The following SSX5 variants were observed in gnomAD, a reference collection of about 807,000 sequenced individuals.
SSX5 encodes protein SSX5.
A neutral mutation model predicts 14.9 loss-of-function variants in SSX5; 14 were observed. The observed-to-expected ratio is 0.94, with a 90% CI of 0.62 to 1.47. The LOEUF (loss-of-function observed/expected upper bound fraction) is 1.47, where lower values mean the gene tolerates loss of function less well. Among genes scored for constraint, SSX5 ranks in the 40% most tolerant of loss-of-function variants. The probability of loss-of-function intolerance (pLI) is 0.00; values close to 1 mark genes in which losing one functional copy is unlikely to be tolerated. For synonymous variants in SSX5, 70 were observed against 55.4 expected (o/e 1.26, Z -1.17); for missense variants, 204 against 154.6 (o/e 1.32, Z -1.70).
intron 5 of SSX5, 72 bp from the exon 6 acceptor site, chrX:48,190,340 T>G (rs1238861226): frequency 2.8e-6 from 3 of 1,081,973 alleles, no homozygotes; most frequent in African/African-American, 1.9e-5. Context: ...TTACAAAGAA[T>G]CTTCACATGC....
At position 48,186,871 on chromosome X, in the gene SSX5, G is replaced by A. The variant is rs1556923858; in HGVS notation, c.*5-15C>T. 6 of 1,196,031 alleles carry A rather than the reference G, an allele frequency of 5.0e-6. No individual in the cohort carries two copies. Among genetic ancestry groups the A allele is most frequent in the Non-Finnish European group, 6.7e-6 (6 of 894,817 alleles). On this transcript the variant is annotated splice_polypyrimidine_tract_variant and intron_variant, in intron 7 of 7. Coordinates refer to ENST00000347757, the MANE Select transcript of SSX5 (RefSeq NM_175723.2). The stretch of plus-strand genomic sequence containing the variant: ...TATCCCCGAGGCTGAGGCAAGAAGC[G>A]AGAAGGAAAGTAAGTGGCAGTGAGT...
rs782320071 is a variant in SSX5, at chrX:48,187,652, G to A, written c.546C>T (p.Asp182=). The part of the protein sequence containing the change: ...KQLVIYEEIS[D]PQEDDE ...GGAGTTACTCGTCATCTTCCTGAGGGTCGCTGATCTCTTCATAAATCACCA... is the reference window on the plus strand; with the variant it reads ...GGAGTTACTCGTCATCTTCCTGAGGATCGCTGATCTCTTCATAAATCACCA... Residue 182 remains aspartate (D), a synonymous_variant, in exon 7 of 8, where the codon GAC becomes GAT. Coordinates refer to ENST00000347757, the MANE Select transcript of SSX5 (RefSeq NM_175723.2). 8.3e-7 allele frequency: 1 copy of A among 1,209,577 alleles called. No homozygotes were observed. Among genetic ancestry groups the A allele is most frequent in the Non-Finnish European group, 1.1e-6 (1 of 895,127 alleles).
intron 5 of SSX5, among the ~76,000 whole-genome samples, chrX:48,191,219 TTC>T (rs2059418794): frequency 9.0e-6 from 1 of 111,583 alleles, no homozygotes; most frequent in African/African-American, 3.3e-5. Context: ...CTACTTTTTA[TTC>T]AGCTTCCTCA....
intron 1 of SSX5, among the ~76,000 whole-genome samples, 185 bp downstream of exon 1, chrX:48,196,546 A>C (rs1450160415): frequency 1.8e-5 from 2 of 109,953 alleles, no homozygotes; most frequent in African/African-American, 6.6e-5. Flanking sequence ...GCCCCGCCCA[A>C]ATTTCTTAAG....
intron 4 of SSX5, among the ~76,000 whole-genome samples, chrX:48,193,621 C>T (rs1193891709): frequency 8.1e-5 from 9 of 110,588 alleles, no homozygotes; most frequent in Non-Finnish European, 1.7e-4. Context: ...TTTGGGTGGG[C>T]GCCTGTAACC....
chrX:48,194,312 G>A (rs2059431724), intron 3 of SSX5, 88 bp from the exon 4 acceptor site: 9 of 1,005,570 alleles, frequency 9.0e-6, no homozygotes, highest in Non-Finnish European at 1.3e-5. Context: ...TCTTTGGGAG[G>A]CTGAAGCTGG....
intron 6 of SSX5, among the ~76,000 whole-genome samples, chrX:48,188,509 A>G (rs2059407498): frequency 8.9e-6 from 1 of 112,301 alleles, no homozygotes; most frequent in Non-Finnish European, 1.9e-5. Context: ...AAGTTGACAA[A>G]CTTAATCGAC....
intron 1 of SSX5, among the ~76,000 whole-genome samples, chrX:48,196,186 A>C (rs1447124530): frequency 9.0e-6 from 1 of 111,159 alleles, no homozygotes; most frequent in Non-Finnish European, 1.9e-5. Flanking sequence ...GCACTTTGGG[A>C]GGCCAAGGTG....
chrX:48,188,874 C>T (rs781969681), intron 6 of SSX5, among the ~76,000 whole-genome samples: 1 of 112,140 alleles, frequency 8.9e-6, no homozygotes, highest in Non-Finnish European at 1.9e-5. Flanking sequence ...TACTAATACT[C>T]CAGTGAACAC....
intron 1 of SSX5, among the ~76,000 whole-genome samples, chrX:48,196,057 G>A (rs528985088): frequency 3.6e-5 from 4 of 111,110 alleles, no homozygotes; most frequent in African/African-American, 1.3e-4. Flanking sequence ...AGGCCAAGGC[G>A]TGCAGATCGC....
intron 4 of SSX5, among the ~76,000 whole-genome samples, chrX:48,193,425 A>G (rs782325623): frequency 2.7e-5 from 3 of 111,319 alleles, no homozygotes; most frequent in East Asian, 5.6e-4. Context: ...GCTATTTTAG[A>G]TCTGATTTAT....
At chrX:48,192,107 G>T in intron 5 of SSX5, 125 bp downstream of exon 5, 3 of 1,069,093 alleles carry the variant, frequency 2.8e-6, no homozygotes, top group Admixed American at 2.2e-5. Context: ...GCTACATCAG[G>T]TGTTGTGATA....
In SSX5 at chrX:48,195,299, C is replaced by G. The variant is rs149723790; in HGVS notation, c.60G>C (p.Lys20Asn). 1 of 1,211,613 alleles carries G rather than the reference C, an allele frequency of 8.3e-7. No individual in the cohort carries two copies. Among genetic ancestry groups the G allele is most frequent in the Non-Finnish European group, 1.1e-6 (1 of 895,419 alleles). ...CTGCAGGTCACCTCACCTTTTGCAT[C>G]TTCTCTGGTATTTGAGAACCAACCC... ...RPRVGSQIPE[K>N]MQKAFDDIAK... Residue 20 changes from lysine (K) to asparagine (N), a missense_variant, in exon 2 of 8, where the codon AAG (lysine) becomes AAC (asparagine). Coordinates refer to ENST00000347757, the MANE Select transcript of SSX5 (RefSeq NM_175723.2).
rs1368926035 is a variant in SSX5 at position 48,186,401 on chromosome X, TGTGC to T, written c.*456_*459del. 5.9e-4 allele frequency: 113 copies of T among 192,496 alleles called. 3 individuals are homozygous for T. The highest frequency in any genetic ancestry group is 2.8e-3 in the Admixed American group (29 of 10,202). 15.9% of individuals were successfully genotyped at this position (192,496 alleles called of 1,213,427 possible). A position where few individuals can be genotyped will look rare whatever the true frequency, so the allele number is the denominator to read the frequency against. On this transcript the variant is annotated 3_prime_UTR_variant, in exon 8 of 8. Transcript: ENST00000347757. ...GTGTGTGTGTGTGTGTGTGTGTGTG[TGTGC>T]GCGCGCGCGCGCATGTGTGTCTGTG...
At chrX:48,192,179 C>T in intron 5 of SSX5, 53 bp downstream of exon 5, 4 of 1,207,309 alleles carry the variant, frequency 3.3e-6, no homozygotes, top group Admixed American at 4.3e-5. Context: ...ACAGGGTTCA[C>T]ATTCGTGAAG....
chrX:48,192,079 T>C (rs2146571065), intron 5 of SSX5, among the ~76,000 whole-genome samples, 153 bp downstream of exon 5: 1 of 112,459 alleles, frequency 8.9e-6, no homozygotes, highest in African/African-American at 3.2e-5. Flanking sequence ...CAACTGTTAG[T>C]ATTAGCAAGC....
In SSX5 at chrX:48,186,412, G is replaced by A. The variant is rs782681390; in HGVS notation, c.*449C>T. The A allele has an allele frequency of 7.0e-4, 187 of 267,153 alleles. 3 individuals carry two copies. The highest frequency in any genetic ancestry group is 5.8e-3 in the East Asian group (76 of 13,072). 22.0% of individuals were successfully genotyped at this position (267,153 alleles called of 1,213,427 possible). On this transcript the variant is annotated 3_prime_UTR_variant, in exon 8 of 8. Transcript: ENST00000347757. ...TGTGTGTGTGTGTGTGTGCGCGCGCGCGCGCATGTGTGTCTGTGTGGCATG... is the reference window on the plus strand; with the variant it reads ...TGTGTGTGTGTGTGTGTGCGCGCGCACGCGCATGTGTGTCTGTGTGGCATG...
chrX:48,189,664 GA>G (rs1160595099), intron 6 of SSX5, among the ~76,000 whole-genome samples: 1 of 111,986 alleles, frequency 8.9e-6, no homozygotes, highest in Non-Finnish European at 1.9e-5. Flanking sequence ...GCCAAACCAA[GA>G]AAAAAATGTG....
Position 48,186,868 on chromosome X carries a change from A to C in SSX5, c.*5-12T>G, listed in dbSNP as rs1556923854. On this transcript the variant is annotated splice_polypyrimidine_tract_variant and intron_variant, in intron 7 of 7. Coordinates refer to ENST00000347757, the MANE Select transcript of SSX5 (RefSeq NM_175723.2). The stretch of plus-strand genomic sequence containing the variant: ...TCATATCCCCGAGGCTGAGGCAAGA[A>C]GCGAGAAGGAAAGTAAGTGGCAGTG... 1 of 1,196,187 alleles carries C rather than the reference A, an allele frequency of 8.4e-7. No individual in the cohort carries two copies. The highest frequency in any genetic ancestry group is 1.1e-6 in the Non-Finnish European group (1 of 894,929).
Sources: gnomAD v4.1 joint callset for allele counts (sites outside exome capture counted in the v4.1 genomes callset) on GRCh38, gnomAD v4.1.1 for gene constraint, MANE v1.5 for transcripts, NCBI Gene and HGNC (gene_info 2026-07-23, HGNC 2026-07-21) for gene names.